Variants in CDKN2B-AS1 observed in about 807,000 individuals in gnomAD.
CDKN2B-AS1 encodes CDKN2B and CDKN2A antisense cis and trans regulatory RNA 1, also known as CDKN2B antisense RNA 1 (non-protein coding).
At chr9:22,062,785 C>T (rs1823874862) in intron 4 of CDKN2B-AS1, among the ~76,000 whole-genome samples, 1 of 151,466 alleles carries the variant, frequency 6.6e-6, no homozygotes, top group African/African-American at 2.4e-5. Flanking sequence ...GCTTTAGTTT[C>T]CTTATTTGAA....
Position 21,996,424 on chromosome 9 carries a change from C to T in CDKN2B-AS1, n.29+1263C>T, listed in dbSNP as rs1587363690. Among the ~76,000 whole-genome samples, 1 of 152,156 alleles carries T rather than the reference C, an allele frequency of 6.6e-6. No individual in the cohort carries two copies. Among genetic ancestry groups the T allele is most frequent in the Non-Finnish European group, 1.5e-5 (1 of 68,036 alleles). On this transcript the variant is annotated intron_variant and non_coding_transcript_variant, in intron 1 of 4. Transcript: ENST00000650946. The surrounding 1 kb of genome is among the most constrained non-coding windows in gnomAD (Gnocchi z 5.4). Reference sequence around the variant, plus strand: ...TCTGTCTAGTATGGCTGCTCTTTCTCCCTCTTCGCAAATATAGCTCTTTTT... The same window carrying T: ...TCTGTCTAGTATGGCTGCTCTTTCTTCCTCTTCGCAAATATAGCTCTTTTT...
intron 4 of CDKN2B-AS1, among the ~76,000 whole-genome samples, chr9:22,097,755 A>G (rs999657063): frequency 1.3e-5 from 2 of 152,210 alleles, no homozygotes; most frequent in Non-Finnish European, 2.9e-5. Context: ...AAGACTTACT[A>G]GACTGCATGT....
intron 4 of CDKN2B-AS1, among the ~76,000 whole-genome samples, chr9:22,069,213 G>A (rs1030596091): frequency 6.6e-5 from 10 of 152,116 alleles, no homozygotes; most frequent in Non-Finnish European, 1.5e-4. Context: ...AAAGTTTTGC[G>A]CCTGGCACTC....
Position 22,072,087 on chromosome 9 carries a change from A to G in CDKN2B-AS1, n.438+15700A>G, listed in dbSNP as rs60847667. Among the ~76,000 whole-genome samples the G allele has an allele frequency of 2.0e-5, 3 of 152,342 alleles. No individual in the cohort carries two copies. In the East Asian group the frequency reaches 5.8e-4, roughly 29 times the overall value. The stretch of plus-strand genomic sequence containing the variant: ...AAGAACTAAATATGCCTACAAAAGC[A>G]CATTCATGCCTAAATGTCATTGCAT... On this transcript the variant is annotated intron_variant and non_coding_transcript_variant, in intron 4 of 4. Coordinates refer to ENST00000650946, the Ensembl canonical transcript of CDKN2B-AS1.
intron 4 of CDKN2B-AS1, among the ~76,000 whole-genome samples, chr9:22,064,750 G>A (rs1823971143): frequency 6.6e-6 from 1 of 152,108 alleles, no homozygotes; most frequent in Non-Finnish European, 1.5e-5. Flanking sequence ...CATCTGGCCT[G>A]TTCTCCCTGG....
intron 4 of CDKN2B-AS1, among the ~76,000 whole-genome samples, chr9:22,069,739 G>C (rs1232787558): frequency 2.0e-5 from 3 of 152,094 alleles, no homozygotes; most frequent in Non-Finnish European, 4.4e-5. Context: ...TCACTCTACT[G>C]TGCAATAGAA....
chr9:22,103,685 A>G (rs548227637), intron 4 of CDKN2B-AS1, among the ~76,000 whole-genome samples: 174 of 152,354 alleles, frequency 1.1e-3, no homozygotes, highest in African/African-American at 4.1e-3. Context: ...TAACAGCAAT[A>G]AGATAAACTC....
Position 22,045,038 on chromosome 9 carries a change from T to TGTGTGTGTG in CDKN2B-AS1, n.30-1713_30-1712insGTGTGTGTG, listed in dbSNP as rs58026190. Among the ~76,000 whole-genome samples the TGTGTGTGTG allele has an allele frequency of 2.4e-3, 344 of 141,946 alleles. 4 individuals are homozygous for TGTGTGTGTG. The highest frequency in any genetic ancestry group is 8.9e-3 in the African/African-American group (327 of 36,568). 93.1% of individuals were successfully genotyped at this position (141,946 alleles called of 152,430 possible). A position where few individuals can be genotyped will look rare whatever the true frequency, so the allele number is the denominator to read the frequency against. On this transcript the variant is annotated intron_variant and non_coding_transcript_variant, in intron 1 of 4. Coordinates refer to ENST00000650946, the Ensembl canonical transcript of CDKN2B-AS1. ...TTTCTTTTGGAAAAATATTATTTATTTGTGTGTGTGTGTGTGTGTGTGTGT... is the reference window on the plus strand; with the variant it reads ...TTTCTTTTGGAAAAATATTATTTATTGTGTGTGTGTGTGTGTGTGTGTGTGTGTGTGTGT...
At chr9:22,078,205 C>G (rs1001453396) in intron 4 of CDKN2B-AS1, among the ~76,000 whole-genome samples, 10 of 152,064 alleles carry the variant, frequency 6.6e-5, no homozygotes, top group African/African-American at 1.9e-4. Context: ...CTTCTTTGAT[C>G]TAGACTAGAT....
At chr9:22,092,962 G>T (rs1825145443) in intron 4 of CDKN2B-AS1, among the ~76,000 whole-genome samples, 2 of 152,122 alleles carry the variant, frequency 1.3e-5, no homozygotes, top group African/African-American at 4.8e-5. Flanking sequence ...TGGGCATTTA[G>T]TGCTATAAAT....
chr9:22,045,798 A>G (rs770192379), intron 1 of CDKN2B-AS1, among the ~76,000 whole-genome samples: 4 of 152,176 alleles, frequency 2.6e-5, no homozygotes, highest in African/African-American at 4.8e-5. Flanking sequence ...ATATAGCACT[A>G]TAAAATTCCA....
intron 1 of CDKN2B-AS1, among the ~76,000 whole-genome samples, chr9:22,022,158 A>T (rs942261188): frequency 1.3e-5 from 2 of 151,582 alleles, no homozygotes; most frequent in Non-Finnish European, 2.9e-5. Flanking sequence ...AGTTTTGTAT[A>T]TATCTATCAG....
chr9:22,068,573 G>C (rs1345834325), intron 4 of CDKN2B-AS1, among the ~76,000 whole-genome samples: 1 of 152,162 alleles, frequency 6.6e-6, no homozygotes, highest in Non-Finnish European at 1.5e-5. Context: ...AGAAGTGTAA[G>C]GGTGTTACTC....
At chr9:22,055,533 T>C (rs1252135706) in intron 3 of CDKN2B-AS1, among the ~76,000 whole-genome samples, 2 of 152,226 alleles carry the variant, frequency 1.3e-5, no homozygotes, top group East Asian at 1.9e-4. Context: ...GCCAGCATTC[T>C]TCTGTAGGTA....
chr9:22,047,960 GTA>G (rs545648731), intron 2 of CDKN2B-AS1, among the ~76,000 whole-genome samples: 28 of 105,952 alleles, frequency 2.6e-4, no homozygotes, highest in Non-Finnish European at 2.5e-4. Context: ...GCTAATTTTT[GTA>G]TTTTTTTTTT....
At chr9:22,087,927 C>T (rs1824919059) in intron 4 of CDKN2B-AS1, among the ~76,000 whole-genome samples, 1 of 152,204 alleles carries the variant, frequency 6.6e-6, no homozygotes, top group African/African-American at 2.4e-5. Flanking sequence ...TATGAAGACT[C>T]TGAGCTTGTG....
rs1821200529 is a variant in CDKN2B-AS1 at position 22,006,573 on chromosome 9, T to C, written n.29+11412T>C. ...TCCATTGGAACATGGGAATCTATTTTGTTAAATGATTTAGGGGCAGAGTTA... is the reference window on the plus strand; with the variant it reads ...TCCATTGGAACATGGGAATCTATTTCGTTAAATGATTTAGGGGCAGAGTTA... On this transcript the variant is annotated intron_variant and non_coding_transcript_variant, in intron 1 of 4. Coordinates refer to ENST00000650946, the Ensembl canonical transcript of CDKN2B-AS1. This position sits in a 1 kb window ranked among gnomAD's most constrained non-coding sequence, Gnocchi z 6.4. 6.6e-6 allele frequency among the ~76,000 whole-genome samples: 1 copy of C among 152,230 alleles called. No individual in the cohort carries two copies. The highest frequency in any genetic ancestry group is 2.1e-4 in the South Asian group (1 of 4,828).
At chr9:22,105,657 G>T (rs1217452161) in intron 4 of CDKN2B-AS1, among the ~76,000 whole-genome samples, 1 of 152,152 alleles carries the variant, frequency 6.6e-6, no homozygotes, top group Non-Finnish European at 1.5e-5. Flanking sequence ...CTCTTGTGTT[G>T]AGGTGGTTAT....
chr9:22,061,057 T>C (rs1350059273), intron 4 of CDKN2B-AS1, among the ~76,000 whole-genome samples: 1 of 152,204 alleles, frequency 6.6e-6, no homozygotes, highest in Non-Finnish European at 1.5e-5. Flanking sequence ...TTTGAGAATC[T>C]TGTACTGATA....
Sources: gnomAD v4.1 joint callset for allele counts (sites outside exome capture counted in the v4.1 genomes callset) on GRCh38, gnomAD v4.1.1 for gene constraint, Gnocchi (gnomAD v3.1) non-coding constraint, MANE v1.5 for transcripts, NCBI Gene and HGNC (gene_info 2026-07-23, HGNC 2026-07-21) for gene names.